HSPG2: variants seen among roughly 807,000 people sequenced by gnomAD.
HSPG2 encodes heparan sulfate proteoglycan 2.
Under a neutral mutation model 526.6 loss-of-function variants are expected in HSPG2, and 278 were observed. The ratio of observed to expected loss-of-function variants is 0.53; its 90% CI spans 0.48 to 0.58. HSPG2 has a LOEUF of 0.58. HSPG2 is among the 20% of genes least tolerant of loss of function. The pLI, the probability that HSPG2 is intolerant of heterozygous loss-of-function variation, is 0.00. For missense variants in HSPG2, 5,354 were observed against 6,099.5 expected, an observed-to-expected ratio of 0.88 and a Z score of 4.07; for synonymous variants, 2,465 against 2,555.4, an observed-to-expected ratio of 0.96 and a Z score of 1.07.
rs143033152 is a variant in HSPG2 at position 21,872,491 on chromosome 1, C to T, written c.4030-114G>A. On this transcript the variant is annotated intron_variant, in intron 32 of 96. Transcript: ENST00000374695. The surrounding 1 kb of genome is among the most constrained non-coding windows in gnomAD (Gnocchi z 5.5). ...TGGGGTCCTGTTGAGATCAGGACTG[C>T]GAGAGAAATAATGGGGGCATGTGAG... The T allele has an allele frequency of 4.5e-4, 631 of 1,412,836 alleles. 11 individuals carry two copies. The African/African-American group carries it at 7.3e-3, about 16-fold the overall frequency. The allele number at this position is 1,412,836 out of a possible 1,614,324, so 87.5% of individuals were successfully genotyped here. A position where few individuals can be genotyped will look rare whatever the true frequency, so the allele number is the denominator to read the frequency against.
chr1:21,917,283 A>C (rs1643909379), intron 1 of HSPG2, among the ~76,000 whole-genome samples: 1 of 151,702 alleles, frequency 6.6e-6, no homozygotes, highest in South Asian at 2.1e-4. Flanking sequence ...AAATACAAAA[A>C]TCAGCCAAGT....
intron 74 of HSPG2, among the ~76,000 whole-genome samples, chr1:21,837,617 A>G (rs1319290120): frequency 6.6e-6 from 1 of 152,064 alleles, no homozygotes; most frequent in East Asian, 1.9e-4. Flanking sequence ...GAAGGACAGC[A>G]AAGCCTATTC....
chr1:21,925,284 T>A (rs754496112), intron 1 of HSPG2, among the ~76,000 whole-genome samples: 1 of 152,186 alleles, frequency 6.6e-6, no homozygotes, highest in Non-Finnish European at 1.5e-5. Context: ...GAGGGATGGA[T>A]GGAAGGATTC....
Position 21,842,065 on chromosome 1 carries a change from G to C in HSPG2, c.9130C>G (p.Leu3044Val). 1 of 1,613,670 alleles carries C rather than the reference G, an allele frequency of 6.2e-7. No homozygotes were observed. Among genetic ancestry groups the C allele is most frequent in the Non-Finnish European group, 8.5e-7 (1 of 1,180,028 alleles). Residue 3044 changes from leucine (L) to valine (V), a missense_variant, in exon 69 of 97, where the codon CTC (leucine) becomes GTC (valine). By Grantham distance (32) the Leu-to-Val change is conservative. Transcript: ENST00000374695. ...QQGQDASFKCLIHDGAAPISL... is the reference protein window; with the variant it reads ...QQGQDASFKCVIHDGAAPISL... ...ATGGGGGCTGCCCCGTCATGGATGA[G>C]GCACTTGAAGCTGGCATCCTGGCCC...
chr1:21,926,781 AAAAAAAAG>A (rs1473441888), intron 1 of HSPG2, among the ~76,000 whole-genome samples: 54 of 92,830 alleles, frequency 5.8e-4, no homozygotes, highest in African/African-American at 1.4e-3. Flanking sequence ...AAAAAAAAAA[AAAAAAAAG>A]AGAGAAAGAA....
rs199899258 is a variant in HSPG2, at chr1:21,828,042, G to A, written c.12520C>T (p.Arg4174Cys). 71 of 1,613,530 alleles carry A rather than the reference G, an allele frequency of 4.4e-5. 1 individual carries two copies. The highest frequency in any genetic ancestry group is 3.1e-4 in the African/African-American group (23 of 74,932). Residue 4174 changes from arginine (R) to cysteine (C), a missense_variant, in exon 90 of 97, where the codon CGC becomes TGC. Arg to Cys is a radical substitution (Grantham distance 180, BLOSUM62 -3). Transcript: ENST00000374695. The surrounding 1 kb of genome is among the most constrained non-coding windows in gnomAD (Gnocchi z 6.0). Reference sequence around the variant, plus strand: ...CAGGCCTGGGTACCTTGTTGGCAGCGTGGGCCAGAGAAGCCAGGGAGGCAG... The same window carrying A: ...CAGGCCTGGGTACCTTGTTGGCAGCATGGGCCAGAGAAGCCAGGGAGGCAG... ...CLCLPGFSGP[R>C]CQQGSGHGIA...
chr1:21,888,713 T>A (rs538399411), intron 6 of HSPG2: 7 of 1,362,974 alleles, frequency 5.1e-6, no homozygotes, highest in South Asian at 1.1e-5. Context: ...GGTGGGGGGG[T>A]CTGTGCTGGA....
intron 37 of HSPG2, among the ~76,000 whole-genome samples, chr1:21,863,068 A>AAAAAAAAAAAAAAAC (rs1639940019): frequency 1.5e-5 from 1 of 66,228 alleles, no homozygotes; most frequent in Non-Finnish European, 2.9e-5. Flanking sequence ...CTCAAAAAAA[A>AAAAAAAAAAAAAAAC]AAAAAAAAAA....
In HSPG2 at chr1:21,842,138, A is replaced by G; in HGVS notation, c.9057T>C (p.Leu3019=). The G allele has an allele frequency of 6.2e-7, 1 of 1,613,686 alleles. No homozygotes were observed. The highest frequency in any genetic ancestry group is 8.5e-7 in the Non-Finnish European group (1 of 1,179,972). Residue 3019 remains leucine, a synonymous_variant, in exon 69 of 97, where the codon CTT becomes CTC. Coordinates refer to ENST00000374695, the MANE Select transcript of HSPG2 (RefSeq NM_005529.7). ...GGTCGATGGAGATGACCGGGCTCCT[A>G]AGGCCTGGGGCCAAAGGGGCAGAGG... is the stretch of plus-strand genomic sequence containing the variant. The part of the protein sequence containing the change: ...VPPSEGSSYR[L]RSPVISIDPP...
rs779828197 is a variant in HSPG2, at chr1:21,843,470, G to T, written c.8617-32C>A. 14 of 1,594,618 alleles carry T rather than the reference G, an allele frequency of 8.8e-6. No individual in the cohort carries two copies. The African/African-American group carries it at 1.7e-4, about 20-fold the overall frequency. On this transcript the variant is annotated intron_variant, in intron 65 of 96. Coordinates refer to ENST00000374695, the MANE Select transcript of HSPG2 (RefSeq NM_005529.7). ...AAGGTGGGGTGAGAGCGGGGAGGGT[G>T]AGCTGGGAGCCTTCAGATGCCCAGG...
chr1:21,873,816 A>C (rs912816910), intron 29 of HSPG2, 109 bp downstream of exon 29: 4 of 919,106 alleles, frequency 4.4e-6, no homozygotes, highest in Non-Finnish European at 6.7e-6. Context: ...CGAGGTTAAG[A>C]GCGAGAGGCA....
rs1045647538 is a variant in HSPG2 at position 21,864,076 on chromosome 1, G to C, written c.4740+24C>G. Reference sequence around the variant, plus strand: ...CCAGGCCCAGCTGAGCTGACCCCCTGTCCTGGCCTCGCTTGCAGCTCACCG... The same window carrying C: ...CCAGGCCCAGCTGAGCTGACCCCCTCTCCTGGCCTCGCTTGCAGCTCACCG... On this transcript the variant is annotated intron_variant, in intron 37 of 96. Coordinates refer to ENST00000374695, the MANE Select transcript of HSPG2 (RefSeq NM_005529.7). The surrounding 1 kb of genome is among the most constrained non-coding windows in gnomAD (Gnocchi z 4.8). 2.0e-6 allele frequency: 3 copies of C among 1,531,878 alleles called. No homozygotes were observed. The highest frequency in any genetic ancestry group is 2.7e-6 in the Non-Finnish European group (3 of 1,130,716). 94.9% of individuals were successfully genotyped at this position (1,531,878 alleles called of 1,614,324 possible).
At chr1:21,902,121 G>C (rs116698906) in intron 1 of HSPG2, among the ~76,000 whole-genome samples, 1,591 of 152,310 alleles carry the variant, frequency 0.01, 18 homozygotes, top group Non-Finnish European at 0.016. Flanking sequence ...AATCTGTCGG[G>C]GCAGCACTTT....
chr1:21,936,761 C>G (rs149153686), intron 1 of HSPG2, among the ~76,000 whole-genome samples: 21 of 152,194 alleles, frequency 1.4e-4, no homozygotes. Flanking sequence ...ACTGAGTGGC[C>G]GTTCTGCCAA....
At chr1:21,860,082 C>T in intron 40 of HSPG2, 80 bp from the exon 41 acceptor site, 1 of 1,596,810 alleles carries the variant, frequency 6.3e-7, no homozygotes, top group South Asian at 1.1e-5. Flanking sequence ...TGGGGTACCC[C>T]ACCCTCAGCC....
rs41266011 is a variant in HSPG2, at chr1:21,849,129, A to T, written c.7447-98T>A. The T allele has an allele frequency of 0.013, 18,769 of 1,409,954 alleles. 186 individuals are homozygous for T. Among genetic ancestry groups the T allele is most frequent in the Non-Finnish European group, 0.017 (16,935 of 1,018,354 alleles). The allele number at this position is 1,409,954 out of a possible 1,614,324, so 87.3% of individuals were successfully genotyped here. On this transcript the variant is annotated intron_variant, in intron 57 of 96. Transcript: ENST00000374695. ...CCCTGGTGCCACTCCCAGCCCAGCC[A>T]GCTGGAACTCGATGGAAACTCTTCC...
At position 21,872,546 on chromosome 1, in the gene HSPG2, G is replaced by T; in HGVS notation, c.4029+74C>A. On this transcript the variant is annotated intron_variant, in intron 32 of 96. Transcript: ENST00000374695. The surrounding 1 kb of genome is among the most constrained non-coding windows in gnomAD (Gnocchi z 5.5). The stretch of plus-strand genomic sequence containing the variant: ...CTGAGGCGGGGATGAGGGTCGCTGG[G>T]CTCAGTGCTCAGATGGACAGTAACA... 1 of 1,527,606 alleles carries T rather than the reference G, an allele frequency of 6.5e-7. No individual in the cohort carries two copies. The highest frequency in any genetic ancestry group is 8.9e-7 in the Non-Finnish European group (1 of 1,126,592). 94.6% of individuals were successfully genotyped at this position (1,527,606 alleles called of 1,614,324 possible).
intron 1 of HSPG2, among the ~76,000 whole-genome samples, chr1:21,931,675 G>A (rs1487501424): frequency 6.6e-6 from 1 of 152,202 alleles, no homozygotes; most frequent in Non-Finnish European, 1.5e-5. Context: ...TGAGGGTGCA[G>A]AGCCCACACC....
In HSPG2 at chr1:21,823,456, C is replaced by A; in HGVS notation, c.13036G>T (p.Gly4346Cys). The A allele has an allele frequency of 6.3e-7, 1 of 1,595,536 alleles. No individual in the cohort carries two copies. The change falls in exon 97 of 97, where the codon GGC becomes TGC. Residue 4346 changes from glycine (G) to cysteine (C), a missense_variant. Transcript: ENST00000374695. ...CCTGTGATGCCTGAGGAGAATCTGC[C>A]CCCGGTCAGCGTGGCCACGTCAGGG... ...GAPDVATLTGGRFSSGITGCV... is the reference protein window; with the variant it reads ...GAPDVATLTGCRFSSGITGCV...
Sources: allele counts gnomAD v4.1 joint callset (sites outside exome capture counted in the v4.1 genomes callset), GRCh38; gene constraint gnomAD v4.1.1; non-coding constraint Gnocchi (gnomAD v3.1); transcripts MANE v1.5; gene names NCBI Gene and HGNC (gene_info 2026-07-23, HGNC 2026-07-21).